Variants in YTHDF1 observed in about 807,000 individuals in gnomAD.
YTHDF1 encodes YTH domain-containing family protein 1.
Under a neutral mutation model 49.1 loss-of-function variants are expected in YTHDF1, and 16 were observed. The ratio of observed to expected loss-of-function variants is 0.33; its 90% CI spans 0.22 to 0.49. The LOEUF (loss-of-function observed/expected upper bound fraction) is 0.49. YTHDF1 is among the 20% of genes least tolerant of loss of function. The pLI is 0.99. For synonymous variants in YTHDF1, 313 were observed against 290.1 expected (o/e 1.08, Z -0.80); for missense variants, 621 against 744.3 (o/e 0.83, Z 1.93).
chr20:63,215,328 G>A (rs1239264389), intron 2 of YTHDF1, among the ~76,000 whole-genome samples: 1 of 152,164 alleles, frequency 6.6e-6, no homozygotes, highest in Non-Finnish European at 1.5e-5. Context: ...CTTCCCCAAA[G>A]CAAATCCATG....
chr20:63,206,024 G>A (rs916114160), intron 3 of YTHDF1, among the ~76,000 whole-genome samples: 16 of 151,550 alleles, frequency 1.1e-4, no homozygotes, highest in African/African-American at 3.9e-4. Context: ...CAGACTGGGG[G>A]GGTGAGCGAA....
intron 3 of YTHDF1, among the ~76,000 whole-genome samples, chr20:63,213,288 T>C (rs1172743783): frequency 4.6e-5 from 7 of 152,088 alleles, no homozygotes; most frequent in Admixed American, 4.6e-4. Context: ...AAAAATTAGC[T>C]AGACGTGGTA....
At chr20:63,215,734 C>T in intron 1 of YTHDF1, 132 bp downstream of exon 1, 1 of 1,384,064 alleles carries the variant, frequency 7.2e-7, no homozygotes, top group South Asian at 1.6e-5. Context: ...CACGTGCGAC[C>T]CCGGCCCCGA....
At chr20:63,199,178 A>G (rs1159579125) in intron 4 of YTHDF1, among the ~76,000 whole-genome samples, 1 of 152,228 alleles carries the variant, frequency 6.6e-6, no homozygotes, top group Non-Finnish European at 1.5e-5. Context: ...GGGCTCTACC[A>G]GCACAGGCGC....
rs759265021 is a variant in YTHDF1, at chr20:63,203,283, G to A, written c.657C>T (p.Asn219=). 2.9e-5 allele frequency: 47 copies of A among 1,613,704 alleles called. No individual in the cohort carries two copies. The highest frequency in any genetic ancestry group is 6.7e-5 in the East Asian group (3 of 44,900). Residue 219 remains asparagine, a synonymous_variant, in exon 4 of 5, where the codon AAC becomes AAT. Transcript: ENST00000370339. This position sits in a 1 kb window ranked among gnomAD's most constrained non-coding sequence, Gnocchi z 4.4. Reference sequence around the variant, plus strand: ...CTGGCATGTTCACATTTGTCCCACCGTTGCCAGAAAGGACACCAGTCAGTG... The same window carrying A: ...CTGGCATGTTCACATTTGTCCCACCATTGCCAGAAAGGACACCAGTCAGTG... ...SVALTGVLSG[N]GGTNVNMPVS... is the part of the protein sequence containing the mutation.
At chr20:63,199,528 A>AC (rs538756893) in intron 4 of YTHDF1, among the ~76,000 whole-genome samples, 142 of 151,886 alleles carry the variant, frequency 9.3e-4, no homozygotes, top group Admixed American at 2.0e-3. Context: ...TAAAAAAAAA[A>AC]AAAACAAAAC....
In YTHDF1 at chr20:63,203,520, C is replaced by A. The variant is rs757562436; in HGVS notation, c.420G>T (p.Gln140His). 6.2e-7 allele frequency: 1 copy of A among 1,613,966 alleles called. No homozygotes were observed. Among genetic ancestry groups the A allele is most frequent in the South Asian group, 1.1e-5 (1 of 91,090 alleles). Residue 140 changes from glutamine to histidine, a missense_variant, in exon 4 of 5, where the codon CAG becomes CAT. This residue lies in a region of YTHDF1 where 470 missense variants were observed against 495.8 expected (regional missense o/e 0.95). Coordinates refer to ENST00000370339, the MANE Select transcript of YTHDF1 (RefSeq NM_017798.4). This position sits in a 1 kb window ranked among gnomAD's most constrained non-coding sequence, Gnocchi z 4.4. ...SAWGTSGSQG[Q>H]QTQSSAYGSS... ...TCCCATACGCGGAGCTCTGGGTCTG[C>A]TGACCTTGAGACCCACTTGTCCCCC...
intron 2 of YTHDF1, among the ~76,000 whole-genome samples, chr20:63,214,303 A>C (rs1398501435): frequency 6.6e-6 from 1 of 152,234 alleles, no homozygotes; most frequent in Admixed American, 6.5e-5. Flanking sequence ...CAAATGCAGA[A>C]TGTATGCCCA....
chr20:63,215,287 C>A (rs1175925543), intron 2 of YTHDF1, among the ~76,000 whole-genome samples: 1 of 152,310 alleles, frequency 6.6e-6, no homozygotes, highest in Admixed American at 6.5e-5. Context: ...TCAACCCCTG[C>A]GGCCATGTCC....
chr20:63,196,815 C>T, intron 4 of YTHDF1, 81 bp from the exon 5 acceptor site: 1 of 1,556,780 alleles, frequency 6.4e-7, no homozygotes, highest in South Asian at 1.1e-5. Flanking sequence ...CGAGGCTGCC[C>T]CTTAGCAGCA....
intron 3 of YTHDF1, among the ~76,000 whole-genome samples, chr20:63,210,775 C>T (rs891801484): frequency 1.3e-5 from 2 of 151,958 alleles, no homozygotes; most frequent in African/African-American, 4.8e-5. Flanking sequence ...GCAACAAGAG[C>T]GAAACTCCAT....
chr20:63,209,928 CTT>C (rs1447206808), intron 3 of YTHDF1, among the ~76,000 whole-genome samples: 4 of 152,162 alleles, frequency 2.6e-5, no homozygotes, highest in Non-Finnish European at 4.4e-5. Flanking sequence ...TTACAGTTGA[CTT>C]TGTTTCTAGT....
At chr20:63,201,213 C>A (rs1206917448) in intron 4 of YTHDF1, among the ~76,000 whole-genome samples, 1 of 152,268 alleles carries the variant, frequency 6.6e-6, no homozygotes, top group African/African-American at 2.4e-5. Flanking sequence ...AGACTGCAGA[C>A]AGTGCAGGCG....
intron 3 of YTHDF1, among the ~76,000 whole-genome samples, chr20:63,205,198 A>C (rs1601235743): frequency 6.6e-6 from 1 of 152,178 alleles, no homozygotes; most frequent in Admixed American, 6.5e-5. Context: ...TTGGCATCAA[A>C]GGCTACACTA....
intron 4 of YTHDF1, among the ~76,000 whole-genome samples, chr20:63,199,321 C>T (rs928712439): frequency 5.9e-5 from 9 of 151,918 alleles, no homozygotes; most frequent in African/African-American, 2.2e-4. Flanking sequence ...AGATCGAGAC[C>T]ATCCTGGCTA....
chr20:63,208,529 A>G (rs1443206470), intron 3 of YTHDF1, among the ~76,000 whole-genome samples: 2 of 152,230 alleles, frequency 1.3e-5, no homozygotes, highest in East Asian at 3.8e-4. Flanking sequence ...TCAGCCCCTC[A>G]GCTGGTGGCA....
intron 3 of YTHDF1, among the ~76,000 whole-genome samples, chr20:63,210,066 G>A (rs2066566817): frequency 6.6e-6 from 1 of 152,028 alleles, no homozygotes; most frequent in South Asian, 2.1e-4. Flanking sequence ...GTATGACTGG[G>A]GCAGTAGGTT....
At chr20:63,210,018 C>T (rs1001504226) in intron 3 of YTHDF1, among the ~76,000 whole-genome samples, 5 of 152,146 alleles carry the variant, frequency 3.3e-5, no homozygotes, top group African/African-American at 1.2e-4. Flanking sequence ...TTATTACGTA[C>T]TGTATGGTAC....
At position 63,215,988 on chromosome 20, in the gene YTHDF1, C is replaced by T. The variant is rs2066600644; in HGVS notation, c.-96G>A. On this transcript the variant is annotated 5_prime_UTR_variant, in exon 1 of 5. Transcript: ENST00000370339. ...CACCCTAGCTCGCGCGGCCCCGGGC[C>T]CCGCCGCCAATTCCCCGGGCGCCGG... is the stretch of plus-strand genomic sequence containing the variant. The T allele has an allele frequency of 8.9e-7, 1 of 1,122,774 alleles. No homozygotes were observed. The highest frequency in any genetic ancestry group is 4.3e-5 in the East Asian group (1 of 23,322). 69.6% of individuals were successfully genotyped at this position (1,122,774 alleles called of 1,614,324 possible). A position where few individuals can be genotyped will look rare whatever the true frequency, so the allele number is the denominator to read the frequency against.
Sources: allele counts gnomAD v4.1 joint callset (sites outside exome capture counted in the v4.1 genomes callset), GRCh38; gene constraint gnomAD v4.1.1; regional missense constraint gnomAD v4.1.1; non-coding constraint Gnocchi (gnomAD v3.1); transcripts MANE v1.5; gene names NCBI Gene and HGNC (gene_info 2026-07-23, HGNC 2026-07-21).